The following MIP variants were observed in gnomAD, a reference collection of about 807,000 sequenced individuals.
MIP encodes major intrinsic protein of lens fiber.
In MIP, 14 loss-of-function variants were observed where a neutral mutation model predicts 21.8. The observed-to-expected ratio is 0.64, with a 90% CI of 0.42 to 1.00. The LOEUF (loss-of-function observed/expected upper bound fraction) is 1.00, where lower values mean the gene tolerates loss of function less well. Among genes scored for constraint, MIP ranks in the 50% least tolerant of loss-of-function variants. MIP has a pLI of 0.00. For synonymous variants in MIP, 133 were observed against 141.4 expected, an observed-to-expected ratio of 0.94 and a Z score of 0.42; for missense variants, 260 against 333.5, an observed-to-expected ratio of 0.78 and a Z score of 1.72.
Position 56,454,334 on chromosome 12 carries a change from G to C in MIP, c.280C>G (p.Leu94Val), listed in dbSNP as rs1463388264. The stretch of plus-strand genomic sequence containing the variant: ...GCGGCCCCAGCCACAGCTCCCAGGA[G>C]CTGGGCTGCCATATAGCAGAAGGCA... Reference protein sequence around the residue: ...LRAFCYMAAQLLGAVAGAAVL... With the variant: ...LRAFCYMAAQVLGAVAGAAVL... Residue 94 changes from leucine to valine, a missense_variant, in exon 1 of 4, where the codon CTC becomes GTC. Transcript: ENST00000652304. 6.2e-7 allele frequency: 1 copy of C among 1,613,766 alleles called. No homozygotes were observed. Among genetic ancestry groups the C allele is most frequent in the Non-Finnish European group, 8.5e-7 (1 of 1,179,992 alleles).
upstream of MIP, chr12:56,454,659 G>GGTGGACAGTCC: frequency 6.2e-7 from 1 of 1,611,810 alleles, no homozygotes; most frequent in South Asian, 1.1e-5. Flanking sequence ...TACCCCCATG[G>GGTGGACAGTCC]CCTTGTCTGG....
In MIP at chr12:56,451,185, G is replaced by T; in HGVS notation, c.*95C>A. The T allele has an allele frequency of 2.0e-6, 2 of 1,002,716 alleles. No homozygotes were observed. The highest frequency in any genetic ancestry group is 1.5e-6 in the Non-Finnish European group (1 of 647,776). The allele number at this position is 1,002,716 out of a possible 1,614,324, so 62.1% of individuals were successfully genotyped here. Reference sequence around the variant, plus strand: ...TAAGTTAAAAAATAAAGAAGTACATGACCCTCCCCACAGTCTCTTTCTTCA... The same window carrying T: ...TAAGTTAAAAAATAAAGAAGTACATTACCCTCCCCACAGTCTCTTTCTTCA... On this transcript the variant is annotated 3_prime_UTR_variant, in exon 4 of 4. Transcript: ENST00000652304.
chr12:56,452,136 T>C (rs891558068), intron 3 of MIP, among the ~76,000 whole-genome samples: 2 of 152,202 alleles, frequency 1.3e-5, no homozygotes, highest in Non-Finnish European at 2.9e-5. Context: ...TCTAGAACTT[T>C]TTCATCTTGC....
chr12:56,453,471 G>A (rs1184469203), intron 2 of MIP, 120 bp downstream of exon 2: 3 of 1,104,556 alleles, frequency 2.7e-6, no homozygotes, highest in Non-Finnish European at 2.7e-6. Context: ...TGCCAGTAGA[G>A]AGTGCAATGG....
In MIP at chr12:56,453,472, A is replaced by G. The variant is rs1378985005; in HGVS notation, c.525+119T>C. ...AGTTGATTCCTTTGTGCCAGTAGAG[A>G]GTGCAATGGACAATGTTCATGTTTG... On this transcript the variant is annotated intron_variant, in intron 2 of 3. Transcript: ENST00000652304. 4.5e-6 allele frequency: 5 copies of G among 1,110,924 alleles called. No homozygotes were observed. In the East Asian group the frequency reaches 7.4e-5, roughly 16 times the overall value. The allele number at this position is 1,110,924 out of a possible 1,614,324, so 68.8% of individuals were successfully genotyped here. A position where few individuals can be genotyped will look rare whatever the true frequency, so the allele number is the denominator to read the frequency against.
rs529452116 is a variant in MIP, at chr12:56,450,281, A to G, written c.*999T>C. The G allele has an allele frequency of 2.6e-5, 4 of 152,338 alleles. No individual in the cohort carries two copies. The South Asian group carries it at 8.3e-4, about 32-fold the overall frequency. The allele number at this position is 152,338 out of a possible 1,614,324, so 9.4% of individuals were successfully genotyped here. ...TGTTTTGATTTGCTCTAAATAAATT[A>G]GAACAGAGTCAAAGCCTCTCCCCTC... On this transcript the variant is annotated 3_prime_UTR_variant, in exon 4 of 4. Transcript: ENST00000652304.
At chr12:56,452,946 C>T in intron 3 of MIP, 126 bp downstream of exon 3, 1 of 759,992 alleles carries the variant, frequency 1.3e-6, no homozygotes, top group South Asian at 1.4e-5. Context: ...TCTCTGACAG[C>T]CCCCTTAGCT....
Position 56,451,155 on chromosome 12 carries a change from A to G in MIP, c.*125T>C, listed in dbSNP as rs1307319876. On this transcript the variant is annotated 3_prime_UTR_variant, in exon 4 of 4. Coordinates refer to ENST00000652304, the MANE Select transcript of MIP (RefSeq NM_012064.4). ...GGAAAAAAAAAAAAAAAACAACCAC[A>G]TACATAAGTTAAAAAATAAAGAAGT... 5.3e-6 allele frequency: 4 copies of G among 760,284 alleles called. No individual in the cohort carries two copies. Among genetic ancestry groups the G allele is most frequent in the Non-Finnish European group, 6.5e-6 (3 of 463,130 alleles). The allele number at this position is 760,284 out of a possible 1,614,324, so 47.1% of individuals were successfully genotyped here.
rs1259141595 is a variant in MIP, at chr12:56,453,685, C to A, written c.431G>T (p.Cys144Phe). 1 of 1,614,160 alleles carries A rather than the reference C, an allele frequency of 6.2e-7. No individual in the cohort carries two copies. The highest frequency in any genetic ancestry group is 8.5e-7 in the Non-Finnish European group (1 of 1,180,030). ...CCTCTCGTCGTATGTGGCAAAGATG[C>A]AGAGCACGAACTGGAGCGTCAGGAA... is the stretch of plus-strand genomic sequence containing the variant. ...EIFLTLQFVL[C>F]IFATYDERRN... Residue 144 changes from cysteine (C) to phenylalanine (F), a missense_variant, in exon 2 of 4, where the codon TGC (cysteine) becomes TTC (phenylalanine). Coordinates refer to ENST00000652304, the MANE Select transcript of MIP (RefSeq NM_012064.4).
In MIP at chr12:56,453,716, C is replaced by T; in HGVS notation, c.400G>A (p.Glu134Lys). 1 of 1,614,008 alleles carries T rather than the reference C, an allele frequency of 6.2e-7. No homozygotes were observed. The highest frequency in any genetic ancestry group is 8.5e-7 in the Non-Finnish European group (1 of 1,179,988). ...ACGAACTGGAGCGTCAGGAAGATCT[C>T]CACTGTGGTTGCCTGGCCCACGCTC... ...AVSVGQATTV[E>K]IFLTLQFVLC... Residue 134 changes from glutamate to lysine, a missense_variant, in exon 2 of 4, where the codon GAG (glutamate) becomes AAG (lysine). Coordinates refer to ENST00000652304, the MANE Select transcript of MIP (RefSeq NM_012064.4).
At position 56,453,627 on chromosome 12, in the gene MIP, G is replaced by T; in HGVS notation, c.489C>A (p.Ala163=). The T allele has an allele frequency of 6.2e-7, 1 of 1,614,236 alleles. No homozygotes were observed. The highest frequency in any genetic ancestry group is 8.5e-7 in the Non-Finnish European group (1 of 1,180,036). The change falls in exon 2 of 4, where the codon GCC becomes GCA. Residue 163 remains alanine (A), a synonymous_variant. Coordinates refer to ENST00000652304, the MANE Select transcript of MIP (RefSeq NM_012064.4). ...RNGQLGSVAL[A]VGFSLALGHL... is the part of the protein sequence containing the mutation. ...GCCCCAGGGCAAGGGAGAAGCCAAC[G>T]GCCAGGGCCACGGAGCCCAGTTGGC... is the stretch of plus-strand genomic sequence containing the variant.
chr12:56,450,554 GC>G lies in MIP; in HGVS notation c.*725del, dbSNP rs1453343429. ...ATGTCAGAATGAACACAACCAGCCA[GC>G]GGATGTAGACAGGTTTACGTGGCTT... On this transcript the variant is annotated 3_prime_UTR_variant, in exon 4 of 4. Transcript: ENST00000652304. The G allele has an allele frequency of 7.2e-5, 11 of 152,474 alleles. No homozygotes were observed. Among genetic ancestry groups the G allele is most frequent in the African/African-American group, 2.4e-4 (10 of 41,568 alleles). The allele number at this position is 152,474 out of a possible 1,614,324, so 9.4% of individuals were successfully genotyped here.
Position 56,454,433 on chromosome 12 carries a change from G to A in MIP, c.181C>T (p.His61Tyr). The change falls in exon 1 of 4, where the codon CAC becomes TAC. Residue 61 changes from histidine (H) to tyrosine (Y), a missense_variant. His to Tyr is a moderately conservative substitution (Grantham distance 83). Transcript: ENST00000652304. ...ALATLVQSVG[H>Y]ISGAHVNPAV... ...GGATTGACGTGGGCTCCACTGATGT[G>A]GCCCACAGACTGCACCAGTGTAGCC... 6.2e-7 allele frequency: 1 copy of A among 1,614,118 alleles called. No homozygotes were observed. Among genetic ancestry groups the A allele is most frequent in the Non-Finnish European group, 8.5e-7 (1 of 1,179,974 alleles).
rs1475976365 is a variant in MIP, at chr12:56,454,525, G to A, written c.89C>T (p.Ser30Phe). ...TLFYVFFGLG[S>F]SLRWAPGPLH... is the part of the protein sequence containing the mutation. Reference sequence around the variant, plus strand: ...GGGTCCAGGAGCCCAGCGCAGTGAGGACCCCAGCCCAAAGAAGACATAGAA... The same window carrying A: ...GGGTCCAGGAGCCCAGCGCAGTGAGAACCCCAGCCCAAAGAAGACATAGAA... The change falls in exon 1 of 4, where the codon TCC becomes TTC. Residue 30 changes from serine (S) to phenylalanine (F), a missense_variant. Transcript: ENST00000652304. 2 of 1,613,452 alleles carry A rather than the reference G, an allele frequency of 1.2e-6. No homozygotes were observed.
intron 2 of MIP, 69 bp from the exon 3 acceptor site, chr12:56,453,221 A>C: frequency 4.4e-6 from 5 of 1,134,792 alleles, no homozygotes; most frequent in African/African-American, 1.5e-5. Context: ...CACAACCCAC[A>C]TTGCCCCTGA....
intron 2 of MIP, 101 bp downstream of exon 2, chr12:56,453,490 C>T: frequency 7.5e-7 from 1 of 1,327,816 alleles, no homozygotes; most frequent in South Asian, 1.2e-5. Context: ...GGACAATGTT[C>T]ATGTTTGACA....
intron 3 of MIP, among the ~76,000 whole-genome samples, chr12:56,452,366 C>A (rs1868647889): frequency 6.6e-6 from 1 of 152,158 alleles, no homozygotes; most frequent in African/African-American, 2.4e-5. Flanking sequence ...AATTTCCTTC[C>A]TTTTTACAGG....
chr12:56,454,522 G>T lies in MIP; in HGVS notation c.92C>A (p.Ser31Ter). The T allele has an allele frequency of 6.2e-7, 1 of 1,613,502 alleles. No homozygotes were observed. The highest frequency in any genetic ancestry group is 8.5e-7 in the Non-Finnish European group (1 of 1,179,644). Residue 31 changes from serine (S) to a stop codon, truncating the protein, a stop_gained, in exon 1 of 4, where the codon TCA becomes TAA. Coordinates refer to ENST00000652304, the MANE Select transcript of MIP (RefSeq NM_012064.4). LOFTEE classifies it high-confidence loss of function. ...LFYVFFGLGS[S>*]LRWAPGPLHV... ...CAGGGGTCCAGGAGCCCAGCGCAGT[G>T]AGGACCCCAGCCCAAAGAAGACATA...
At chr12:56,454,226 T>G in intron 1 of MIP, 28 bp downstream of exon 1, 1 of 1,613,802 alleles carries the variant, frequency 6.2e-7, no homozygotes, top group Non-Finnish European at 8.5e-7. Context: ...GACACCAGGT[T>G]CCCCATCCCC....
Sources: allele counts gnomAD v4.1 joint callset (sites outside exome capture counted in the v4.1 genomes callset), GRCh38; gene constraint gnomAD v4.1.1; transcripts MANE v1.5; gene names NCBI Gene and HGNC (gene_info 2026-07-23, HGNC 2026-07-21).